The following ADAM10 variants were observed in gnomAD, a reference collection of about 807,000 sequenced individuals.
ADAM10 encodes the protein disintegrin and metalloproteinase domain-containing protein 10.
A neutral mutation model predicts 90.1 loss-of-function variants in ADAM10; 17 were observed. The ratio of observed to expected loss-of-function variants is 0.19; its 90% CI spans 0.13 to 0.28. The LOEUF is 0.28. ADAM10 is among the 10% of genes least tolerant of loss of function. ADAM10 has a pLI of 1.00. For missense variants in ADAM10, 610 were observed against 914.3 expected (o/e 0.67, Z 4.29); for synonymous variants, 310 against 298.6 (o/e 1.04, Z -0.40).
chr15:58,632,476 A>C lies in ADAM10; in HGVS notation c.1176+720T>G, dbSNP rs574193352. ...CAGCCTGTTTTTATATGGCTTAACT[A>C]AGAATGGCTTTTCCATATTTAACAA... is the stretch of plus-strand genomic sequence containing the variant. On this transcript the variant is annotated intron_variant, in intron 9 of 15. Coordinates refer to ENST00000260408, the MANE Select transcript of ADAM10 (RefSeq NM_001110.4). Among the ~76,000 whole-genome samples, 139 of 152,324 alleles carry C rather than the reference A, an allele frequency of 9.1e-4. 1 individual carries two copies. The highest frequency in any genetic ancestry group is 3.4e-3 in the Middle Eastern group (1 of 292).
intron 1 of ADAM10, among the ~76,000 whole-genome samples, chr15:58,720,334 A>C (rs1327239372): frequency 6.6e-6 from 1 of 152,132 alleles, no homozygotes; most frequent in African/African-American, 2.4e-5. Flanking sequence ...AGTGAAGCCA[A>C]TGTCTAAGAG....
intron 4 of ADAM10, among the ~76,000 whole-genome samples, chr15:58,670,329 A>G (rs1897165992): frequency 6.6e-6 from 1 of 152,144 alleles, no homozygotes; most frequent in Non-Finnish European, 1.5e-5. Context: ...AACCTTTTTA[A>G]AGAGATATCT....
At chr15:58,705,835 G>C (rs1417478434) in intron 2 of ADAM10, among the ~76,000 whole-genome samples, 2 of 152,186 alleles carry the variant, frequency 1.3e-5, no homozygotes, top group African/African-American at 4.8e-5. Flanking sequence ...AACATATTTT[G>C]AGAGAGACCA....
rs927658163 is a variant in ADAM10, at chr15:58,749,701, C to G, written c.-167G>C. The G allele has an allele frequency of 5.6e-6, 8 of 1,424,084 alleles. No homozygotes were observed. The highest frequency in any genetic ancestry group is 7.4e-6 in the Non-Finnish European group (8 of 1,078,018). 88.2% of individuals were successfully genotyped at this position (1,424,084 alleles called of 1,614,324 possible). ...CTCCCTCTCGCTCCACTTCAGGGGC[C>G]GGCAACGCTCCTAGCTCCTCCAAAA... is the stretch of plus-strand genomic sequence containing the variant. On this transcript the variant is annotated 5_prime_UTR_variant, in exon 1 of 16. Transcript: ENST00000260408.
At chr15:58,602,157 A>G (rs1298617227) in intron 14 of ADAM10, among the ~76,000 whole-genome samples, 1 of 152,162 alleles carries the variant, frequency 6.6e-6, no homozygotes, top group Non-Finnish European at 1.5e-5. Context: ...TTATAAATAT[A>G]TAATCAATTA....
intron 5 of ADAM10, among the ~76,000 whole-genome samples, chr15:58,647,075 T>C (rs964264160): frequency 3.9e-5 from 6 of 152,052 alleles, no homozygotes; most frequent in Admixed American, 1.3e-4. Flanking sequence ...CATACACCAA[T>C]GTCTCTTACA....
intron 2 of ADAM10, among the ~76,000 whole-genome samples, chr15:58,716,301 C>A (rs1166997723): frequency 2.0e-5 from 3 of 152,026 alleles, no homozygotes; most frequent in Non-Finnish European, 4.4e-5. Context: ...CTGTGAGGAA[C>A]AGAAAACACG....
At chr15:58,686,653 C>T (rs774347218) in intron 2 of ADAM10, 1 of 745,694 alleles carries the variant, frequency 1.3e-6, no homozygotes, top group Non-Finnish European at 2.4e-6. Context: ...GGAATGCCTT[C>T]AAGCACAAAG....
chr15:58,738,478 T>C (rs939392337), intron 1 of ADAM10, among the ~76,000 whole-genome samples: 2 of 152,182 alleles, frequency 1.3e-5, no homozygotes, highest in Non-Finnish European at 2.9e-5. Flanking sequence ...TAGAAATCAG[T>C]CAAATCATCT....
rs1283011750 is a variant in ADAM10 at position 58,592,647 on chromosome 15, T to C, written c.*4900A>G. 1 of 152,162 alleles carries C rather than the reference T, an allele frequency of 6.6e-6. No homozygotes were observed. Among genetic ancestry groups the C allele is most frequent in the Non-Finnish European group, 1.5e-5 (1 of 68,012 alleles). 9.4% of individuals were successfully genotyped at this position (152,162 alleles called of 1,614,324 possible). A position where few individuals can be genotyped will look rare whatever the true frequency, so the allele number is the denominator to read the frequency against. On this transcript the variant is annotated 3_prime_UTR_variant, in exon 16 of 16. Transcript: ENST00000260408. The stretch of plus-strand genomic sequence containing the variant: ...CTCAATTTGACTTGCATTTGAATTA[T>C]GTCTAAAGCTAATCAACTGAATTAA...
At chr15:58,745,874 A>C (rs1899774983) in intron 1 of ADAM10, among the ~76,000 whole-genome samples, 1 of 152,220 alleles carries the variant, frequency 6.6e-6, no homozygotes, top group Non-Finnish European at 1.5e-5. Context: ...AATACAGCCC[A>C]CTAGTATCTG....
At chr15:58,717,101 T>C (rs2140815336) in intron 2 of ADAM10, among the ~76,000 whole-genome samples, 1 of 152,266 alleles carries the variant, frequency 6.6e-6, no homozygotes, top group Non-Finnish European at 1.5e-5. Flanking sequence ...CCTCTCTCCC[T>C]TGACTCCCCT....
rs569943817 is a variant in ADAM10, at chr15:58,698,750, A to G, written c.207-16436T>C. On this transcript the variant is annotated intron_variant, in intron 2 of 15. Transcript: ENST00000260408. ...AAGACAGGTATTTTGAAATAATCCA[A>G]TAACATAAAAATAAAGAAGAATAAA... 5.3e-5 allele frequency among the ~76,000 whole-genome samples: 8 copies of G among 152,302 alleles called. No homozygotes were observed. In the East Asian group the frequency reaches 1.5e-3, roughly 29 times the overall value.
chr15:58,605,443 T>G (rs1414092194), intron 14 of ADAM10, among the ~76,000 whole-genome samples: 2 of 135,618 alleles, frequency 1.5e-5, no homozygotes, highest in Non-Finnish European at 3.0e-5. Flanking sequence ...GCCACCTTTA[T>G]AGTTTTCCTT....
rs72743064 is a variant in ADAM10, at chr15:58,604,084, G to A, written c.2026-4360C>T. The stretch of plus-strand genomic sequence containing the variant: ...TAATTCTTAAGAACTTAGCTTGGCC[G>A]GGCACGGTGGCTCATGTCTGTAATC... On this transcript the variant is annotated intron_variant, in intron 14 of 15. Coordinates refer to ENST00000260408, the MANE Select transcript of ADAM10 (RefSeq NM_001110.4). Among the ~76,000 whole-genome samples the A allele has an allele frequency of 3.1e-3, 474 of 152,112 alleles. 1 individual carries two copies. The highest frequency in any genetic ancestry group is 5.6e-3 in the Non-Finnish European group (378 of 67,998).
chr15:58,714,674 T>C (rs1485515282), intron 2 of ADAM10, among the ~76,000 whole-genome samples: 3 of 152,062 alleles, frequency 2.0e-5, no homozygotes, highest in Non-Finnish European at 4.4e-5. Flanking sequence ...TATTATGTGT[T>C]GAGCCAATCT....
intron 1 of ADAM10, among the ~76,000 whole-genome samples, chr15:58,725,640 A>T (rs1812579835): frequency 6.6e-6 from 1 of 152,026 alleles, no homozygotes; most frequent in African/African-American, 2.4e-5. Context: ...AAATTCTTAA[A>T]ATCATCTGTG....
chr15:58,593,871 T>G lies in ADAM10; in HGVS notation c.*3676A>C, dbSNP rs1894884873. 1 of 152,178 alleles carries G rather than the reference T, an allele frequency of 6.6e-6. No individual in the cohort carries two copies. Among genetic ancestry groups the G allele is most frequent in the Non-Finnish European group, 1.5e-5 (1 of 68,024 alleles). 9.4% of individuals were successfully genotyped at this position (152,178 alleles called of 1,614,324 possible). ...AAGACACACAAACAATATAGTAATA[T>G]AAAACAGAAGGGCTAAATTTCTATC... On this transcript the variant is annotated 3_prime_UTR_variant, in exon 16 of 16. Transcript: ENST00000260408.
At position 58,590,461 on chromosome 15, in the gene ADAM10, G is replaced by A. The variant is rs1048720576; in HGVS notation, c.*7086C>T. 1.3e-5 allele frequency: 2 copies of A among 152,178 alleles called. No individual in the cohort carries two copies. The highest frequency in any genetic ancestry group is 1.3e-4 in the Admixed American group (2 of 15,272). 9.4% of individuals were successfully genotyped at this position (152,178 alleles called of 1,614,324 possible). Reference sequence around the variant, plus strand: ...AGAAGTATCTGTGAGTAAGGTAACTGGTCAATGCATATCAGCAAATGCATA... The same window carrying A: ...AGAAGTATCTGTGAGTAAGGTAACTAGTCAATGCATATCAGCAAATGCATA... On this transcript the variant is annotated 3_prime_UTR_variant, in exon 16 of 16. Transcript: ENST00000260408.
Sources: allele counts gnomAD v4.1 joint callset (sites outside exome capture counted in the v4.1 genomes callset), GRCh38; gene constraint gnomAD v4.1.1; transcripts MANE v1.5; gene names NCBI Gene and HGNC (gene_info 2026-07-23, HGNC 2026-07-21).